The following COG6 variants were observed in gnomAD, a reference collection of about 807,000 sequenced individuals.
The protein encoded by COG6 is conserved oligomeric Golgi complex subunit 6.
A neutral mutation model predicts 88.8 loss-of-function variants in COG6; 74 were observed. The observed-to-expected ratio is 0.83, with a 90% CI of 0.69 to 1.01. COG6 has a LOEUF of 1.01. Ranked by LOEUF, COG6 falls within the 50% of genes least tolerant of loss-of-function variation. The pLI is 0.00. For missense variants in COG6, 800 were observed against 797.9 expected (o/e 1.00, Z -0.03); for synonymous variants, 286 against 278.7 (o/e 1.03, Z -0.26).
In COG6 at chr13:39,751,641, G is replaced by A. The variant is rs1416145000; in HGVS notation, c.*548G>A. 2 of 1,286,832 alleles carry A rather than the reference G, an allele frequency of 1.6e-6. No individual in the cohort carries two copies. Among genetic ancestry groups the A allele is most frequent in the Non-Finnish European group, 2.0e-6 (2 of 988,554 alleles). 79.7% of individuals were successfully genotyped at this position (1,286,832 alleles called of 1,614,324 possible). On this transcript the variant is annotated 3_prime_UTR_variant, in exon 19 of 19. Transcript: ENST00000455146. ...AAATAACAGTGAATGTGCTCCTGGT[G>A]TATATGGCAGTGAATCTCCTTTCTG...
chr13:39,761,441 CAT>C (rs1402848578), intron 18 of COG6, among the ~76,000 whole-genome samples: 1 of 151,844 alleles, frequency 6.6e-6, no homozygotes, highest in East Asian at 1.9e-4. Context: ...TAGAAGAAAA[CAT>C]ATGGGAAACA....
chr13:39,747,295 C>T (rs1445312548), intron 18 of COG6, among the ~76,000 whole-genome samples: 1 of 152,206 alleles, frequency 6.6e-6, no homozygotes, highest in Non-Finnish European at 1.5e-5. Flanking sequence ...ATCACACTGT[C>T]AGCCAGAGTT....
Position 39,752,157 on chromosome 13 carries a change from C to G in COG6, c.*1064C>G. 2 of 1,136,802 alleles carry G rather than the reference C, an allele frequency of 1.8e-6. No individual in the cohort carries two copies. Among genetic ancestry groups the G allele is most frequent in the Non-Finnish European group, 2.3e-6 (2 of 879,776 alleles). The allele number at this position is 1,136,802 out of a possible 1,614,324, so 70.4% of individuals were successfully genotyped here. A position where few individuals can be genotyped will look rare whatever the true frequency, so the allele number is the denominator to read the frequency against. On this transcript the variant is annotated 3_prime_UTR_variant, in exon 19 of 19. Coordinates refer to ENST00000455146, the MANE Select transcript of COG6 (RefSeq NM_020751.3). ...TGACATTCTTGTCAGCAAAAAAAAACTTAATTTCTAGTAAATCTATAAAAA... is the reference window on the plus strand; with the variant it reads ...TGACATTCTTGTCAGCAAAAAAAAAGTTAATTTCTAGTAAATCTATAAAAA...
Position 39,751,513 on chromosome 13 carries a change from G to A in COG6, c.*420G>A, listed in dbSNP as rs1374405370. ...TGTCTCCTTACCTAAAGATTCATTT[G>A]CTTTCTTTTAATATGAGTAGGCATA... On this transcript the variant is annotated 3_prime_UTR_variant, in exon 19 of 19. Coordinates refer to ENST00000455146, the MANE Select transcript of COG6 (RefSeq NM_020751.3). 1 of 1,280,952 alleles carries A rather than the reference G, an allele frequency of 7.8e-7. No individual in the cohort carries two copies. The highest frequency in any genetic ancestry group is 1.5e-5 in the African/African-American group (1 of 65,610). The allele number at this position is 1,280,952 out of a possible 1,614,324, so 79.3% of individuals were successfully genotyped here. A position where few individuals can be genotyped will look rare whatever the true frequency, so the allele number is the denominator to read the frequency against.
intron 3 of COG6, among the ~76,000 whole-genome samples, chr13:39,662,190 C>T (rs1236955634): frequency 3.8e-5 from 5 of 132,242 alleles, no homozygotes; most frequent in African/African-American, 1.4e-4. Context: ...TCCTTAGTGG[C>T]GTGATCTCGG....
chr13:39,695,000 A>G (rs1203139523), intron 12 of COG6, among the ~76,000 whole-genome samples: 2 of 150,496 alleles, frequency 1.3e-5, no homozygotes, highest in African/African-American at 4.9e-5. Context: ...CCCCTTATAT[A>G]GCAATATAAG....
Position 39,665,111 on chromosome 13 carries a change from A to G in COG6, c.385A>G (p.Thr129Ala), listed in dbSNP as rs1356572126. The change falls in exon 4 of 19, where the codon ACT becomes GCT. Residue 129 changes from threonine to alanine, a missense_variant. Thr to Ala is a moderately conservative substitution (Grantham distance 58). Transcript: ENST00000455146. ...ATAATTTTAGGCAGCAAAGGAACAG[A>G]CTCAAGATTTAATAGTAAAAACCAC... ...TSRLQAAKEQ[T>A]QDLIVKTTKL... 1.3e-6 allele frequency: 2 copies of G among 1,491,336 alleles called. No individual in the cohort carries two copies. The highest frequency in any genetic ancestry group is 1.9e-6 in the Non-Finnish European group (2 of 1,069,106). 92.4% of individuals were successfully genotyped at this position (1,491,336 alleles called of 1,614,324 possible). A position where few individuals can be genotyped will look rare whatever the true frequency, so the allele number is the denominator to read the frequency against.
intron 18 of COG6, among the ~76,000 whole-genome samples, chr13:39,766,852 A>G (rs1228390831): frequency 1.3e-5 from 2 of 152,290 alleles, no homozygotes; most frequent in East Asian, 3.9e-4. Context: ...GCGCTTCTGA[A>G]CTTATCTGAA....
rs142975866 is a variant in COG6, at chr13:39,731,170, C to T, written c.1826+3622C>T. Among the ~76,000 whole-genome samples the T allele has an allele frequency of 4.8e-3, 724 of 152,164 alleles. 3 individuals are homozygous for T. Among genetic ancestry groups the T allele is most frequent in the Non-Finnish European group, 5.7e-3 (387 of 67,988 alleles). On this transcript the variant is annotated intron_variant, in intron 18 of 18. Transcript: ENST00000455146. ...CCTACTATCTGTTTTTGGTTTTTTCCTGTTCTCTTCTCCTGAACTTTATCT... is the reference window on the plus strand; with the variant it reads ...CCTACTATCTGTTTTTGGTTTTTTCTTGTTCTCTTCTCCTGAACTTTATCT...
At chr13:39,772,420 AT>A (rs1366832098) in intron 18 of COG6, among the ~76,000 whole-genome samples, 1 of 152,218 alleles carries the variant, frequency 6.6e-6, no homozygotes, top group Non-Finnish European at 1.5e-5. Flanking sequence ...CCAAACAGAC[AT>A]GATTCCTGCC....
chr13:39,757,607 C>T (rs776667712), downstream of COG6, among the ~76,000 whole-genome samples: 33 of 149,950 alleles, frequency 2.2e-4, no homozygotes, highest in Middle Eastern at 3.2e-3. Context: ...AAGTATGAAA[C>T]GGGACATTAC....
At chr13:39,714,919 C>G (rs1362032877) in intron 13 of COG6, among the ~76,000 whole-genome samples, 2 of 152,078 alleles carry the variant, frequency 1.3e-5, no homozygotes, top group Non-Finnish European at 2.9e-5. Flanking sequence ...TTGAATGGAG[C>G]AGGAGGCCAT....
intron 18 of COG6, among the ~76,000 whole-genome samples, chr13:39,748,448 C>T (rs1219987631): frequency 2.0e-5 from 3 of 151,892 alleles, no homozygotes; most frequent in Non-Finnish European, 4.4e-5. Context: ...AACCCCGTCT[C>T]TACTAAAAAT....
chr13:39,702,029 C>A (rs1167660179), intron 13 of COG6, among the ~76,000 whole-genome samples: 1 of 151,906 alleles, frequency 6.6e-6, no homozygotes, highest in African/African-American at 2.4e-5. Flanking sequence ...TAGAGACAAT[C>A]CACAGATGAG....
At chr13:39,708,818 G>A (rs1334210396) in intron 13 of COG6, among the ~76,000 whole-genome samples, 1 of 152,136 alleles carries the variant, frequency 6.6e-6, no homozygotes, top group Admixed American at 6.5e-5. Context: ...TAGGTTACCT[G>A]AGACTTTTAT....
intron 4 of COG6, among the ~76,000 whole-genome samples, chr13:39,671,298 G>A (rs1289851095): frequency 6.6e-6 from 1 of 151,770 alleles, no homozygotes; most frequent in Non-Finnish European, 1.5e-5. Context: ...AGATGGTATG[G>A]ATTTTTTTAA....
intron 1 of COG6, chr13:39,656,121 C>G (rs1335637451): frequency 7.7e-6 from 5 of 653,578 alleles, no homozygotes; most frequent in Non-Finnish European, 1.4e-5. Context: ...GAAAAGGTGC[C>G]TTCAAGGCTC....
At chr13:39,721,485 G>C (rs1354739816) in intron 15 of COG6, among the ~76,000 whole-genome samples, 1 of 152,026 alleles carries the variant, frequency 6.6e-6, no homozygotes, top group Non-Finnish European at 1.5e-5. Context: ...TTTTCCCAGT[G>C]CCCTTTCAGA....
At chr13:39,735,097 T>C (rs551669136) in intron 18 of COG6, among the ~76,000 whole-genome samples, 151 of 152,218 alleles carry the variant, frequency 9.9e-4, no homozygotes, top group African/African-American at 3.2e-3. Context: ...ATAGTCCATT[T>C]ACATTGTGTT....
Sources: allele counts gnomAD v4.1 joint callset (sites outside exome capture counted in the v4.1 genomes callset), GRCh38; gene constraint gnomAD v4.1.1; transcripts MANE v1.5; gene names NCBI Gene and HGNC (gene_info 2026-07-23, HGNC 2026-07-21).